The following PARD3B variants were observed in gnomAD, a reference collection of about 807,000 sequenced individuals.
The protein encoded by PARD3B is partitioning defective 3 homolog B.
Under a neutral mutation model 130.2 loss-of-function variants are expected in PARD3B, and 103 were observed. The observed-to-expected ratio is 0.79, with a 90% CI of 0.67 to 0.93. PARD3B has a LOEUF of 0.93. PARD3B is among the 40% of genes least tolerant of loss of function. PARD3B has a pLI of 0.00. For synonymous variants in PARD3B, 583 were observed against 553.2 expected (o/e 1.05, Z -0.76); for missense variants, 1,609 against 1,499.2 (o/e 1.07, Z -1.21).
chr2:205,560,528 G>A (rs1322652633), intron 22 of PARD3B, among the ~76,000 whole-genome samples: 3 of 152,186 alleles, frequency 2.0e-5, no homozygotes, highest in African/African-American at 7.2e-5. Flanking sequence ...AATTGGTACT[G>A]TAGTTCCTTA....
At chr2:205,334,152 C>G (rs928701560) in intron 18 of PARD3B, among the ~76,000 whole-genome samples, 34 of 152,122 alleles carry the variant, frequency 2.2e-4, no homozygotes, top group African/African-American at 8.0e-4. Context: ...GGTGGACTAA[C>G]CTGTAACCTC....
chr2:204,918,163 A>G (rs1190876068), intron 2 of PARD3B, among the ~76,000 whole-genome samples: 4 of 152,236 alleles, frequency 2.6e-5, no homozygotes, highest in African/African-American at 9.6e-5. Context: ...AGAAAATGTA[A>G]AATATATACC....
intron 22 of PARD3B, among the ~76,000 whole-genome samples, chr2:205,602,876 A>G (rs766953025): frequency 1.1e-4 from 17 of 151,662 alleles, no homozygotes; most frequent in Non-Finnish European, 2.2e-4. Flanking sequence ...TTCTGGTCAG[A>G]TCTTCATTAT....
rs553409854 is a variant in PARD3B, at chr2:205,392,112, G to T, written c.2631-8901G>T. On this transcript the variant is annotated intron_variant, in intron 18 of 22. Coordinates refer to ENST00000406610, the MANE Select transcript of PARD3B (RefSeq NM_001302769.2). ...CGTATCTGGTATTTCTAAATCCATT[G>T]CATTTCCTAGCCCCTCGGTATGGGG... Among the ~76,000 whole-genome samples, 8 of 152,208 alleles carry T rather than the reference G, an allele frequency of 5.3e-5. No individual in the cohort carries two copies. The South Asian group carries it at 1.7e-3, about 32-fold the overall frequency.
intron 21 of PARD3B, among the ~76,000 whole-genome samples, chr2:205,520,798 C>A (rs1284806642): frequency 4.6e-5 from 7 of 151,894 alleles, no homozygotes; most frequent in Admixed American, 1.3e-4. Flanking sequence ...TTTCTCATGA[C>A]ATTAAACAAT....
chr2:204,810,505 A>G (rs1025843678), intron 2 of PARD3B, among the ~76,000 whole-genome samples: 13 of 152,050 alleles, frequency 8.5e-5, no homozygotes, highest in African/African-American at 1.4e-4. Flanking sequence ...TTCTGCATCT[A>G]TTGTGCATCA....
chr2:205,395,576 A>AG (rs1026468081), intron 18 of PARD3B, among the ~76,000 whole-genome samples: 3 of 152,142 alleles, frequency 2.0e-5, no homozygotes, highest in African/African-American at 7.2e-5. Context: ...AATTTCCCAA[A>AG]GATATATTAC....
At chr2:205,103,384 T>TTTTTTATTTATGTAAAATAAA (rs1559439912) in intron 4 of PARD3B, among the ~76,000 whole-genome samples, 39 of 42,862 alleles carry the variant, frequency 9.1e-4, no homozygotes, top group Non-Finnish European at 4.3e-4. Flanking sequence ...AAATAAATAT[T>TTTTTTATTTATGTAAAATAAA]TATATAAATT....
At chr2:205,459,195 G>A (rs1241189603) in intron 20 of PARD3B, among the ~76,000 whole-genome samples, 3 of 152,070 alleles carry the variant, frequency 2.0e-5, no homozygotes, top group African/African-American at 7.2e-5. Flanking sequence ...CAGAATATTG[G>A]GCTCAGTTCA....
At chr2:205,270,337 G>C (rs1001919661) in intron 16 of PARD3B, among the ~76,000 whole-genome samples, 1 of 152,208 alleles carries the variant, frequency 6.6e-6, no homozygotes, top group Non-Finnish European at 1.5e-5. Flanking sequence ...GGGAGGCCGA[G>C]GCAGGCGGAT....
chr2:204,672,518 G>T lies in PARD3B; in HGVS notation c.121-13663G>T, dbSNP rs112779284. 7.9e-3 allele frequency among the ~76,000 whole-genome samples: 1,198 copies of T among 152,212 alleles called. 22 individuals carry two copies. The highest frequency in any genetic ancestry group is 0.027 in the African/African-American group (1,130 of 41,536). The stretch of plus-strand genomic sequence containing the variant: ...TTATAAAATACAAAATCATGTGCAT[G>T]AATATAGCAATAAAAATTGCTATAA... On this transcript the variant is annotated intron_variant, in intron 1 of 22. Transcript: ENST00000406610.
rs1008772712 is a variant in PARD3B at position 204,677,806 on chromosome 2, C to T, written c.121-8375C>T. ...ACTGGTAGTCAGTTAGCTACATGTT[C>T]TATTGGTAGGATAACCTGGCCTTCC... On this transcript the variant is annotated intron_variant, in intron 1 of 22. Coordinates refer to ENST00000406610, the MANE Select transcript of PARD3B (RefSeq NM_001302769.2). This position sits in a 1 kb window ranked among gnomAD's most constrained non-coding sequence, Gnocchi z 4.1. 4.6e-5 allele frequency among the ~76,000 whole-genome samples: 7 copies of T among 152,174 alleles called. No homozygotes were observed. Among genetic ancestry groups the T allele is most frequent in the African/African-American group, 1.2e-4 (5 of 41,446 alleles).
At chr2:205,515,349 G>A (rs1246904348) in intron 21 of PARD3B, among the ~76,000 whole-genome samples, 1 of 151,990 alleles carries the variant, frequency 6.6e-6, no homozygotes, top group East Asian at 1.9e-4. Flanking sequence ...TATTCCTTTG[G>A]GTATATACCC....
chr2:204,773,920 G>A (rs779028771), intron 2 of PARD3B, among the ~76,000 whole-genome samples: 2 of 152,058 alleles, frequency 1.3e-5, no homozygotes, highest in African/African-American at 2.4e-5. Flanking sequence ...AGAATTCAGA[G>A]TGCTTGTCAT....
Position 205,440,684 on chromosome 2 carries a change from A to G in PARD3B, c.3044+12A>G, listed in dbSNP as rs2047685021. The G allele has an allele frequency of 6.3e-7, 1 of 1,599,758 alleles. No homozygotes were observed. On this transcript the variant is annotated intron_variant, in intron 20 of 22. Transcript: ENST00000406610. This position sits in a 1 kb window ranked among gnomAD's most constrained non-coding sequence, Gnocchi z 4.2. Reference sequence around the variant, plus strand: ...GTTCCAGCTGACAGGTAATAAACTTAGTGAAAGATAAATGTAGCTTTAATT... The same window carrying G: ...GTTCCAGCTGACAGGTAATAAACTTGGTGAAAGATAAATGTAGCTTTAATT...
chr2:205,604,631 T>C (rs546373307), intron 22 of PARD3B, among the ~76,000 whole-genome samples: 1 of 152,160 alleles, frequency 6.6e-6, no homozygotes, highest in African/African-American at 2.4e-5. Flanking sequence ...CTCTGGCTGC[T>C]CTTAACATTT....
rs987494429 is a variant in PARD3B, at chr2:205,124,273, A to G, written c.1166-54A>G. 9.6e-6 allele frequency: 13 copies of G among 1,348,384 alleles called. No individual in the cohort carries two copies. In the Admixed American group the frequency reaches 2.0e-4, roughly 21 times the overall value. The allele number at this position is 1,348,384 out of a possible 1,614,324, so 83.5% of individuals were successfully genotyped here. ...GGTAGATCTTACTGTAAGACTGAAT[A>G]TAATATTACTCATGCTTAAGATGAC... On this transcript the variant is annotated intron_variant, in intron 8 of 22. Transcript: ENST00000406610.
Position 205,291,850 on chromosome 2 carries a change from T to C in PARD3B, c.2186-8680T>C, listed in dbSNP as rs1003185368. Reference sequence around the variant, plus strand: ...AACAACTGTTTGATAAGGAGATTAGTATGGATCAGCCATCTCAGCAGAAGC... The same window carrying C: ...AACAACTGTTTGATAAGGAGATTAGCATGGATCAGCCATCTCAGCAGAAGC... On this transcript the variant is annotated intron_variant, in intron 16 of 22. Transcript: ENST00000406610. This position sits in a 1 kb window ranked among gnomAD's most constrained non-coding sequence, Gnocchi z 4.6. Among the ~76,000 whole-genome samples, 3 of 152,212 alleles carry C rather than the reference T, an allele frequency of 2.0e-5. No homozygotes were observed. The highest frequency in any genetic ancestry group is 4.4e-5 in the Non-Finnish European group (3 of 68,032).
intron 4 of PARD3B, among the ~76,000 whole-genome samples, chr2:205,060,710 T>C (rs568188968): frequency 1.7e-4 from 26 of 152,264 alleles, no homozygotes; most frequent in African/African-American, 6.3e-4. Flanking sequence ...AGGTCTTTTA[T>C]AATTACTAAA....
Sources: allele counts gnomAD v4.1 joint callset (sites outside exome capture counted in the v4.1 genomes callset), GRCh38; gene constraint gnomAD v4.1.1; non-coding constraint Gnocchi (gnomAD v3.1); transcripts MANE v1.5; gene names NCBI Gene and HGNC (gene_info 2026-07-23, HGNC 2026-07-21).